Variants in GLIS3 observed in about 807,000 individuals in gnomAD.
GLIS3 encodes zinc finger protein GLIS3.
In GLIS3, 53 loss-of-function variants were observed where a neutral mutation model predicts 78.6. The ratio of observed to expected loss-of-function variants is 0.67; its 90% CI spans 0.54 to 0.85. GLIS3 has a LOEUF of 0.85. GLIS3 is among the 40% of genes least tolerant of loss of function. The probability of loss-of-function intolerance (pLI) is 0.00; values close to 1 mark genes in which losing one functional copy is unlikely to be tolerated. For missense variants in GLIS3, 1,703 were observed against 1,231.1 expected, an observed-to-expected ratio of 1.38 and a Z score of -5.74; for synonymous variants, 684 against 509.9, an observed-to-expected ratio of 1.34 and a Z score of -4.60.
chr9:4,115,048 C>G (rs968608157), intron 4 of GLIS3, among the ~76,000 whole-genome samples: 1 of 152,194 alleles, frequency 6.6e-6, no homozygotes, highest in African/African-American at 2.4e-5. Flanking sequence ...ATACCAGTGG[C>G]AGCCACTTAC....
intron 4 of GLIS3, among the ~76,000 whole-genome samples, chr9:4,050,665 T>C (rs964051954): frequency 1.3e-5 from 2 of 152,202 alleles, no homozygotes; most frequent in African/African-American, 4.8e-5. Flanking sequence ...TATATATCTC[T>C]GTACAGAACA....
intron 4 of GLIS3, among the ~76,000 whole-genome samples, chr9:4,002,132 T>C (rs1588429773): frequency 6.6e-6 from 1 of 152,290 alleles, no homozygotes. Context: ...AGGGTCTTTA[T>C]AAGACAAAGA....
chr9:4,229,162 T>A (rs1331750296), intron 2 of GLIS3, among the ~76,000 whole-genome samples: 1 of 152,156 alleles, frequency 6.6e-6, no homozygotes, highest in Non-Finnish European at 1.5e-5. Context: ...TGAGGAAGGA[T>A]ACATGAGGGA....
chr9:4,075,984 C>G (rs538469458), intron 4 of GLIS3, among the ~76,000 whole-genome samples: 3 of 152,270 alleles, frequency 2.0e-5, no homozygotes, highest in Non-Finnish European at 4.4e-5. Flanking sequence ...CAAAGGAACA[C>G]CTCACGAAGA....
rs1290743253 is a variant in GLIS3, at chr9:4,118,958, G to A, written c.597-77C>T. The A allele has an allele frequency of 4.9e-6, 7 of 1,427,678 alleles. No individual in the cohort carries two copies. The highest frequency in any genetic ancestry group is 6.7e-6 in the Non-Finnish European group (7 of 1,044,190). The allele number at this position is 1,427,678 out of a possible 1,614,324, so 88.4% of individuals were successfully genotyped here. On this transcript the variant is annotated intron_variant, in intron 3 of 10. Coordinates refer to ENST00000381971, the MANE Select transcript of GLIS3 (RefSeq NM_001042413.2). This position sits in a 1 kb window ranked among gnomAD's most constrained non-coding sequence, Gnocchi z 4.7. ...GATACGGATTGCTTAAGAGCTAAAA[G>A]AACACTGCATTGACAATCCCTTAAG...
intron 2 of GLIS3, among the ~76,000 whole-genome samples, chr9:4,261,677 T>A (rs1184200939): frequency 1.3e-5 from 2 of 152,190 alleles, no homozygotes; most frequent in African/African-American, 4.8e-5. Context: ...ATTACGTAAC[T>A]CACTCACTTC....
chr9:4,158,804 C>T (rs941640624), intron 2 of GLIS3, among the ~76,000 whole-genome samples: 1 of 152,000 alleles, frequency 6.6e-6, no homozygotes, highest in Non-Finnish European at 1.5e-5. Context: ...ACGATAATTT[C>T]AAATAAGCGT....
intron 2 of GLIS3, among the ~76,000 whole-genome samples, chr9:4,247,838 G>T (rs1253533516): frequency 6.6e-6 from 1 of 152,060 alleles, no homozygotes; most frequent in East Asian, 1.9e-4. Context: ...TCTATAATTT[G>T]CAGTGATTAA....
chr9:4,072,449 C>T (rs1827695042), intron 4 of GLIS3, among the ~76,000 whole-genome samples: 2 of 152,188 alleles, frequency 1.3e-5, no homozygotes, highest in African/African-American at 4.8e-5. Flanking sequence ...ACAATGGAAT[C>T]AGCATGTCTT....
At chr9:4,227,048 C>A (rs944973095) in intron 2 of GLIS3, among the ~76,000 whole-genome samples, 1 of 152,158 alleles carries the variant, frequency 6.6e-6, no homozygotes, top group Non-Finnish European at 1.5e-5. Flanking sequence ...AGGGGGAAGC[C>A]TGGTGCAGGG....
chr9:4,463,738 T>C, the GLIS3 span, among the ~76,000 whole-genome samples: 12 of 152,250 alleles, frequency 7.9e-5, no homozygotes, highest in Admixed American at 7.9e-4. Context: ...GTCTGAGCTA[T>C]TGTCTCCTAA....
chr9:4,229,280 G>A (rs375458648), intron 2 of GLIS3, among the ~76,000 whole-genome samples: 42 of 152,318 alleles, frequency 2.8e-4, no homozygotes, highest in African/African-American at 8.2e-4. Context: ...ATTTTACCAT[G>A]CGCACATACT....
At chr9:4,353,413 CA>C in the GLIS3 span, among the ~76,000 whole-genome samples, 1 of 152,134 alleles carries the variant, frequency 6.6e-6, no homozygotes, top group Non-Finnish European at 1.5e-5. Context: ...AGTTAACGAG[CA>C]GCAAAACTAC....
At chr9:4,170,013 G>A (rs1418056998) in intron 2 of GLIS3, among the ~76,000 whole-genome samples, 5 of 152,040 alleles carry the variant, frequency 3.3e-5, no homozygotes, top group Non-Finnish European at 5.9e-5. Context: ...AAACCTGGCC[G>A]GCCCAAACCG....
rs573891298 is a variant in GLIS3 at position 4,090,367 on chromosome 9, G to A, written c.1710+27401C>T. Among the ~76,000 whole-genome samples the A allele has an allele frequency of 3.3e-4, 50 of 151,866 alleles. 1 individual carries two copies. Among genetic ancestry groups the A allele is most frequent in the South Asian group, 1.0e-3 (5 of 4,804 alleles). On this transcript the variant is annotated intron_variant, in intron 4 of 10. Transcript: ENST00000381971. ...TCTCGAGGATCTAAAACTGATTCAC[G>A]CTCAATAAAAACAAAATAAGACTTG...
intron 9 of GLIS3, among the ~76,000 whole-genome samples, chr9:3,851,900 T>TG (rs1819457062): frequency 6.6e-6 from 1 of 152,232 alleles, no homozygotes; most frequent in African/African-American, 2.4e-5. Flanking sequence ...CCCAGCACTT[T>TG]GGGAGGCCAA....
chr9:4,387,422 A>C, the GLIS3 span, among the ~76,000 whole-genome samples: 1 of 152,164 alleles, frequency 6.6e-6, no homozygotes, highest in Non-Finnish European at 1.5e-5. Flanking sequence ...CATGTCATTC[A>C]TAGGTTACGG....
At chr9:4,257,895 A>G (rs1825133741) in intron 2 of GLIS3, among the ~76,000 whole-genome samples, 1 of 152,170 alleles carries the variant, frequency 6.6e-6, no homozygotes, top group South Asian at 2.1e-4. Context: ...TTTAATATGT[A>G]TATTAAAATA....
rs955722499 is a variant in GLIS3, at chr9:4,179,652, G to C, written c.389-53711C>G. Among the ~76,000 whole-genome samples the C allele has an allele frequency of 7.2e-5, 11 of 152,298 alleles. No homozygotes were observed. In the South Asian group the frequency reaches 1.2e-3, roughly 17 times the overall value. ...AGGCCAGGCACGGTGGCTCACGCTT[G>C]TAATCCTAGCACTTTGGGAGGCTGA... On this transcript the variant is annotated intron_variant, in intron 2 of 10. Coordinates refer to ENST00000381971, the MANE Select transcript of GLIS3 (RefSeq NM_001042413.2).
Sources: allele counts gnomAD v4.1 joint callset (sites outside exome capture counted in the v4.1 genomes callset), GRCh38; gene constraint gnomAD v4.1.1; non-coding constraint Gnocchi (gnomAD v3.1); transcripts MANE v1.5; gene names NCBI Gene and HGNC (gene_info 2026-07-23, HGNC 2026-07-21).